Variants in FSTL5 observed in about 807,000 individuals in gnomAD.
The protein encoded by FSTL5 is follistatin-related protein 5.
In FSTL5, 62 loss-of-function variants were observed where a neutral mutation model predicts 89.1. The ratio of observed to expected loss-of-function variants is 0.70; its 90% confidence interval spans 0.57 to 0.86. The LOEUF (loss-of-function observed/expected upper bound fraction) is 0.86, where lower values mean the gene tolerates loss of function less well. Ranked by LOEUF, FSTL5 falls within the 40% of genes least tolerant of loss-of-function variation. FSTL5 has a pLI of 0.00. For missense variants in FSTL5, 1,057 were observed against 1,001.6 expected, an observed-to-expected ratio of 1.06 and a Z score of -0.75; for synonymous variants, 383 against 346.2, an observed-to-expected ratio of 1.11 and a Z score of -1.18.
intron 4 of FSTL5, among the ~76,000 whole-genome samples, chr4:161,816,874 A>G (rs1415648114): frequency 2.0e-5 from 3 of 152,162 alleles, no homozygotes; most frequent in Non-Finnish European, 2.9e-5. Flanking sequence ...ATATTGTCCA[A>G]TGTTATTTGT....
chr4:161,416,789 A>G (rs10000699), intron 15 of FSTL5, among the ~76,000 whole-genome samples: 143,185 of 150,494 alleles, frequency 0.95, 68,515 homozygotes, highest in East Asian at 1. Flanking sequence ...AGCTTGCAGT[A>G]AGCCAAGATC....
intron 3 of FSTL5, among the ~76,000 whole-genome samples, chr4:161,984,169 C>T (rs1411107213): frequency 2.0e-5 from 3 of 151,936 alleles, no homozygotes; most frequent in Non-Finnish European, 4.4e-5. Context: ...TATTTCATGT[C>T]ATGCTATTTG....
intron 2 of FSTL5, among the ~76,000 whole-genome samples, chr4:162,081,967 A>G (rs955185620): frequency 2.6e-5 from 4 of 151,680 alleles, no homozygotes; most frequent in African/African-American, 9.7e-5. Context: ...AAATGTCTAG[A>G]ACACACAGGA....
At chr4:161,665,498 G>C (rs1437418925) in intron 6 of FSTL5, among the ~76,000 whole-genome samples, 1 of 152,142 alleles carries the variant, frequency 6.6e-6, no homozygotes, top group African/African-American at 2.4e-5. Context: ...CTCCCAAAGT[G>C]CTGGGATTAC....
chr4:161,674,305 G>A (rs1737223965), intron 6 of FSTL5, among the ~76,000 whole-genome samples: 1 of 151,856 alleles, frequency 6.6e-6, no homozygotes. Flanking sequence ...AAGCCTAAAT[G>A]GGAAAGAATA....
At chr4:161,965,294 C>T (rs10005454) in intron 3 of FSTL5, among the ~76,000 whole-genome samples, 49,884 of 151,914 alleles carry the variant, frequency 0.33, 9,894 homozygotes, top group Non-Finnish European at 0.43. Context: ...AATGTTTGTA[C>T]CCCTTCTACA....
At chr4:161,425,349 T>G (rs1206967273) in intron 15 of FSTL5, among the ~76,000 whole-genome samples, 1 of 152,174 alleles carries the variant, frequency 6.6e-6, no homozygotes, top group Non-Finnish European at 1.5e-5. Context: ...ATTAGCCATA[T>G]CGAGGTATGT....
intron 7 of FSTL5, among the ~76,000 whole-genome samples, chr4:161,636,783 G>A (rs1048923925): frequency 2.1e-5 from 3 of 143,402 alleles, no homozygotes; most frequent in Non-Finnish European, 4.5e-5. Flanking sequence ...CCCTACAAAG[G>A]ACATGAACTC....
intron 15 of FSTL5, chr4:161,388,491 ACAT>A (rs1282388057): frequency 1.3e-5 from 2 of 152,096 alleles, no homozygotes; most frequent in African/African-American, 2.4e-5. Flanking sequence ...AAAATCATAA[ACAT>A]CATAAGTACC....
intron 15 of FSTL5, among the ~76,000 whole-genome samples, chr4:161,424,585 A>AT (rs1339145763): frequency 5.3e-5 from 8 of 151,208 alleles, no homozygotes; most frequent in Non-Finnish European, 1.2e-4. Context: ...CTCTTTTTAT[A>AT]TTTTTTTCTA....
chr4:161,934,100 A>C (rs1734366042), intron 3 of FSTL5, among the ~76,000 whole-genome samples: 1 of 152,066 alleles, frequency 6.6e-6, no homozygotes, highest in Admixed American at 6.6e-5. Context: ...TGTTTTACAA[A>C]TAAAGAAGAA....
chr4:161,438,768 C>T (rs998800521), intron 15 of FSTL5, among the ~76,000 whole-genome samples: 2 of 151,834 alleles, frequency 1.3e-5, no homozygotes, highest in Non-Finnish European at 2.9e-5. Flanking sequence ...AATTTTTTTA[C>T]AAACTAACTA....
At chr4:162,107,997 C>A (rs1731287609) in intron 2 of FSTL5, among the ~76,000 whole-genome samples, 1 of 151,954 alleles carries the variant, frequency 6.6e-6, no homozygotes, top group Admixed American at 6.6e-5. Flanking sequence ...TATGAGTATG[C>A]AATATTTAAG....
Position 161,824,234 on chromosome 4 carries a change from T to G in FSTL5, c.410-48160A>C, listed in dbSNP as rs185705285. The stretch of plus-strand genomic sequence containing the variant: ...CAGTTTCATTCTTCTACATGTAGCT[T>G]GCCAATTATCCCAGCACCGTTTGTT... On this transcript the variant is annotated intron_variant, in intron 4 of 15. Coordinates refer to ENST00000306100, the MANE Select transcript of FSTL5 (RefSeq NM_020116.5). Among the ~76,000 whole-genome samples the G allele has an allele frequency of 2.3e-3, 354 of 152,298 alleles. 3 individuals are homozygous for G. Among genetic ancestry groups the G allele is most frequent in the African/African-American group, 7.9e-3 (327 of 41,566 alleles).
At chr4:161,480,810 T>G (rs1333684856) in intron 13 of FSTL5, among the ~76,000 whole-genome samples, 4 of 151,870 alleles carry the variant, frequency 2.6e-5, no homozygotes, top group Non-Finnish European at 5.9e-5. Context: ...GGATCTAATT[T>G]TTGAAAACAA....
chr4:162,132,980 TC>T (rs1315404852), intron 1 of FSTL5, among the ~76,000 whole-genome samples: 3 of 152,216 alleles, frequency 2.0e-5, no homozygotes, highest in African/African-American at 4.8e-5. Context: ...TCTCGCTCTG[TC>T]GCCCAGGCTG....
intron 15 of FSTL5, among the ~76,000 whole-genome samples, chr4:161,413,436 AG>A (rs376303025): frequency 1.7e-4 from 26 of 152,288 alleles, no homozygotes; most frequent in African/African-American, 6.0e-4. Flanking sequence ...GATGCTGGCA[AG>A]GTTGTGGAGA....
intron 2 of FSTL5, among the ~76,000 whole-genome samples, chr4:162,087,837 A>G (rs1377373514): frequency 1.3e-5 from 2 of 152,110 alleles, no homozygotes; most frequent in Admixed American, 6.6e-5. Context: ...CAGAATCACT[A>G]TTTAAGTGTA....
chr4:161,844,854 T>A (rs7669992), intron 4 of FSTL5, among the ~76,000 whole-genome samples: 126,167 of 151,966 alleles, frequency 0.83, 52,447 homozygotes, highest in Admixed American at 0.85. Flanking sequence ...TTGGGTGCAG[T>A]AAACAACCAT....
Sources: gnomAD v4.1 joint callset for allele counts (sites outside exome capture counted in the v4.1 genomes callset) on GRCh38, gnomAD v4.1.1 for gene constraint, MANE v1.5 for transcripts, NCBI Gene and HGNC (gene_info 2026-07-23, HGNC 2026-07-21) for gene names.